The following LGALS1 variants were observed in gnomAD, a reference collection of about 807,000 sequenced individuals.
LGALS1 encodes the protein galectin 1.
Under a neutral mutation model 14.4 loss-of-function variants are expected in LGALS1, and 14 were observed. The observed-to-expected ratio is 0.97, with a 90% CI of 0.64 to 1.52. LGALS1 has a LOEUF of 1.52. Ranked by LOEUF, LGALS1 falls within the 40% of genes most tolerant of loss-of-function variation. The probability of loss-of-function intolerance (pLI) is 0.00; values close to 1 mark genes in which losing one functional copy is unlikely to be tolerated. For synonymous variants in LGALS1, 71 were observed against 73.4 expected, an observed-to-expected ratio of 0.97 and a Z score of 0.17; for missense variants, 170 against 181.4, an observed-to-expected ratio of 0.94 and a Z score of 0.36.
chr22:37,678,755 C>T, intron 3 of LGALS1, 101 bp downstream of exon 3: 2 of 1,120,252 alleles, frequency 1.8e-6, no homozygotes, highest in Non-Finnish European at 2.5e-6. Context: ...TGCTCTTTCC[C>T]CTCCCCTTCC....
At chr22:37,677,784 T>C (rs1921487598) in intron 2 of LGALS1, among the ~76,000 whole-genome samples, 1 of 151,936 alleles carries the variant, frequency 6.6e-6, no homozygotes, top group South Asian at 2.1e-4. Context: ...TATTTTATTA[T>C]TTTATTTATT....
intron 2 of LGALS1, chr22:37,677,313 T>G: frequency 8.0e-6 from 4 of 500,298 alleles, no homozygotes; most frequent in Non-Finnish European, 1.5e-5. Flanking sequence ...TCATCTGTAA[T>G]ACCTTGACTC....
Position 37,678,669 on chromosome 22 carries a change from G to A in LGALS1, c.261+15G>A, listed in dbSNP as rs369450273. ...GTGTTGCAGAGGTGGGCTGCAGACC[G>A]GAACCGGGGACCAGGGACAGGGGCT... On this transcript the variant is annotated intron_variant, in intron 3 of 3. Coordinates refer to ENST00000215909, the MANE Select transcript of LGALS1 (RefSeq NM_002305.4). 6.6e-5 allele frequency: 80 copies of A among 1,206,972 alleles called. No homozygotes were observed. Among genetic ancestry groups the A allele is most frequent in the South Asian group, 4.8e-4 (39 of 81,062 alleles). The allele number at this position is 1,206,972 out of a possible 1,614,324, so 74.8% of individuals were successfully genotyped here.
rs193140688 is a variant in LGALS1 at position 37,679,399 on chromosome 22, C to A, written c.262-204C>A. On this transcript the variant is annotated intron_variant, in intron 3 of 3. Transcript: ENST00000215909. The stretch of plus-strand genomic sequence containing the variant: ...TGAGCCGAGATTATGCCACTGTACT[C>A]CAGCCTGGGCGACAGAGGAGACTCC... 6.7e-4 allele frequency among the ~76,000 whole-genome samples: 102 copies of A among 151,676 alleles called. No homozygotes were observed. In the East Asian group the frequency reaches 0.018, roughly 26 times the overall value.
At chr22:37,676,645 T>G (rs1284945923) in intron 1 of LGALS1, among the ~76,000 whole-genome samples, 5 of 151,970 alleles carry the variant, frequency 3.3e-5, no homozygotes, top group Admixed American at 2.0e-4. Context: ...CTCCCCAGCC[T>G]GATCCTCTCC....
chr22:37,677,338 CT>C, intron 2 of LGALS1: 1 of 463,906 alleles, frequency 2.2e-6, no homozygotes, highest in Non-Finnish European at 4.0e-6. Flanking sequence ...GCCCCCACCC[CT>C]TTCCGGTCTG....
Position 37,678,611 on chromosome 22 carries a change from A to AGCG in LGALS1, c.220_222dup (p.Arg74dup), listed in dbSNP as rs770184203. On this transcript the variant is annotated inframe_insertion, in exon 3 of 4. Coordinates refer to ENST00000215909, the MANE Select transcript of LGALS1 (RefSeq NM_002305.4). ...GACGGCGGGGCCTGGGGGACCGAGC[A>AGCG]GCGGGAGGCTGTCTTTCCCTTCCAG... The AGCG allele has an allele frequency of 6.9e-7, 1 of 1,452,486 alleles. No homozygotes were observed. The highest frequency in any genetic ancestry group is 1.1e-5 in the South Asian group (1 of 89,130). The allele number at this position is 1,452,486 out of a possible 1,614,324, so 90.0% of individuals were successfully genotyped here. A position where few individuals can be genotyped will look rare whatever the true frequency, so the allele number is the denominator to read the frequency against.
chr22:37,675,767 AG>A (rs1490814251), intron 1 of LGALS1, 56 bp downstream of exon 1: 6 of 1,447,816 alleles, frequency 4.1e-6, no homozygotes, highest in Non-Finnish European at 5.5e-6. Flanking sequence ...ACTGATGGCC[AG>A]AGGAGAGCTG....
intron 1 of LGALS1, 115 bp from the exon 2 acceptor site, chr22:37,676,870 TG>T: frequency 2.1e-6 from 2 of 962,358 alleles, no homozygotes; most frequent in Non-Finnish European, 1.6e-6. Flanking sequence ...CCCCTTGGCT[TG>T]GTCAGAGGAT....
At position 37,679,696 on chromosome 22, in the gene LGALS1, A is replaced by G; in HGVS notation, c.355A>G (p.Asn119Asp). 1.9e-6 allele frequency: 3 copies of G among 1,611,016 alleles called. No homozygotes were observed. The highest frequency in any genetic ancestry group is 2.5e-6 in the Non-Finnish European group (3 of 1,178,872). ...FPNRLNLEAI[N>D]YMAADGDFKI... ...CAACCGCCTCAACCTGGAGGCCATCAACTACATGGCAGCTGACGGTGACTT... is the reference window on the plus strand; with the variant it reads ...CAACCGCCTCAACCTGGAGGCCATCGACTACATGGCAGCTGACGGTGACTT... The change falls in exon 4 of 4, where the codon AAC becomes GAC. Residue 119 changes from asparagine to aspartate, a missense_variant. Coordinates refer to ENST00000215909, the MANE Select transcript of LGALS1 (RefSeq NM_002305.4).
At chr22:37,677,107 T>G (rs1057263743) in intron 2 of LGALS1, 42 bp downstream of exon 2, 1 of 1,599,844 alleles carries the variant, frequency 6.3e-7, no homozygotes, top group African/African-American at 1.3e-5. Flanking sequence ...GGGACGGGCT[T>G]GGTCCAGCAG....
chr22:37,679,519 G>A, intron 3 of LGALS1, 84 bp from the exon 4 acceptor site: 14 of 1,252,748 alleles, frequency 1.1e-5, no homozygotes, highest in Non-Finnish European at 1.5e-5. Flanking sequence ...CACAAACTGG[G>A]GCTGTGTCAG....
chr22:37,677,282 A>T, intron 2 of LGALS1: 1 of 569,734 alleles, frequency 1.8e-6, no homozygotes, highest in Non-Finnish European at 3.1e-6. Context: ...AGCCTCTTAA[A>T]CTAAACCAGC....
rs777204440 is a variant in LGALS1, at chr22:37,678,328, G to T, written c.90-155G>T. On this transcript the variant is annotated intron_variant, in intron 2 of 3. Coordinates refer to ENST00000215909, the MANE Select transcript of LGALS1 (RefSeq NM_002305.4). ...AGCAAACAGGGGAAGAGGGGCAGGA[G>T]CAGGTGGCATGGCCAGAGCTAGAAT... The T allele has an allele frequency of 1.7e-4, 137 of 788,678 alleles. No individual in the cohort carries two copies. In the Admixed American group the frequency reaches 2.7e-3, roughly 16 times the overall value. The allele number at this position is 788,678 out of a possible 1,614,324, so 48.9% of individuals were successfully genotyped here. A position where few individuals can be genotyped will look rare whatever the true frequency, so the allele number is the denominator to read the frequency against.
chr22:37,677,150 C>A (rs1921459146), intron 2 of LGALS1, 85 bp downstream of exon 2: 2 of 1,333,610 alleles, frequency 1.5e-6, no homozygotes, highest in African/African-American at 2.9e-5. Flanking sequence ...CACATCTCCT[C>A]CCTGGCCGGG....
chr22:37,678,696 G>A (rs774331938), intron 3 of LGALS1, 42 bp downstream of exon 3: 7 of 1,475,202 alleles, frequency 4.7e-6, no homozygotes, highest in Middle Eastern at 2.2e-4. Context: ...ACAGGGGCTG[G>A]GTGGGCTGGG....
chr22:37,678,687 C>T (rs775305018), intron 3 of LGALS1, 33 bp downstream of exon 3: 1 of 305,528 alleles, frequency 3.3e-6, no homozygotes, highest in Non-Finnish European at 6.4e-6. Context: ...GGACCAGGGA[C>T]AGGGGCTGGG....
Position 37,678,595 on chromosome 22 carries a change from G to A in LGALS1, c.202G>A (p.Ala68Thr), listed in dbSNP as rs749662061. The A allele has an allele frequency of 1.5e-5, 25 of 1,613,306 alleles. No homozygotes were observed. Among genetic ancestry groups the A allele is most frequent in the Non-Finnish European group, 2.1e-5 (25 of 1,179,954 alleles). ...TIVCNSKDGG[A>T]WGTEQREAVF... ...CGTGTGCAACAGCAAGGACGGCGGG[G>A]CCTGGGGGACCGAGCAGCGGGAGGC... is the stretch of plus-strand genomic sequence containing the variant. The change falls in exon 3 of 4, where the codon GCC (alanine) becomes ACC (threonine). Residue 68 changes from alanine to threonine, a missense_variant. Physicochemically the swap from Ala to Thr is moderately conservative, Grantham distance 58 (BLOSUM62 0). Transcript: ENST00000215909.
At chr22:37,676,486 GT>G (rs1469981278) in intron 1 of LGALS1, among the ~76,000 whole-genome samples, 1 of 152,192 alleles carries the variant, frequency 6.6e-6, no homozygotes, top group Non-Finnish European at 1.5e-5. Flanking sequence ...GAGAGGCCGT[GT>G]TTTTCAGGGT....
Sources: gnomAD v4.1 joint callset for allele counts (sites outside exome capture counted in the v4.1 genomes callset) on GRCh38, gnomAD v4.1.1 for gene constraint, MANE v1.5 for transcripts, NCBI Gene and HGNC (gene_info 2026-07-23, HGNC 2026-07-21) for gene names.